The following BTBD9 variants were observed in gnomAD, a reference collection of about 807,000 sequenced individuals.
The protein encoded by BTBD9 is BTB domain containing 9.
In BTBD9, 49 loss-of-function variants were observed where a neutral mutation model predicts 64.3. The ratio of observed to expected loss-of-function variants is 0.76; its 90% CI spans 0.61 to 0.97. The LOEUF (loss-of-function observed/expected upper bound fraction) is 0.97, where lower values mean the gene tolerates loss of function less well. Ranked by LOEUF, BTBD9 falls within the 50% of genes least tolerant of loss-of-function variation. The pLI, the probability that BTBD9 is intolerant of heterozygous loss-of-function variation, is 0.00. For synonymous variants in BTBD9, 260 were observed against 274.7 expected (o/e 0.95, Z 0.53); for missense variants, 598 against 762.1 (o/e 0.78, Z 2.53).
chr6:38,571,563 A>T (rs1357940241), intron 6 of BTBD9: 2 of 152,228 alleles, frequency 1.3e-5, no homozygotes, highest in Non-Finnish European at 2.9e-5. Context: ...AAAACACAGT[A>T]AAGTTAGAGT....
At chr6:38,335,743 TA>T (rs1763868444) in intron 7 of BTBD9, among the ~76,000 whole-genome samples, 1 of 151,708 alleles carries the variant, frequency 6.6e-6, no homozygotes, top group African/African-American at 2.4e-5. Context: ...TTTATTTATT[TA>T]TTTTTTTGAG....
At chr6:38,481,023 T>C (rs1157800786) in intron 6 of BTBD9, among the ~76,000 whole-genome samples, 1 of 152,162 alleles carries the variant, frequency 6.6e-6, no homozygotes, top group African/African-American at 2.4e-5. Flanking sequence ...GACTCAAAAA[T>C]GCCTTTCCAT....
chr6:38,485,300 T>C (rs771197390), intron 6 of BTBD9, among the ~76,000 whole-genome samples: 1 of 152,232 alleles, frequency 6.6e-6, no homozygotes, highest in Non-Finnish European at 1.5e-5. Context: ...ATATTCTTAA[T>C]GGCCTCTAAA....
intron 9 of BTBD9, among the ~76,000 whole-genome samples, chr6:38,219,793 C>T (rs1763137622): frequency 6.6e-6 from 1 of 152,112 alleles, no homozygotes; most frequent in Admixed American, 6.5e-5. Context: ...AACATGATGA[C>T]CTAAAATACA....
chr6:38,269,808 G>C (rs1402507612), intron 8 of BTBD9, among the ~76,000 whole-genome samples: 1 of 152,162 alleles, frequency 6.6e-6, no homozygotes, highest in Admixed American at 6.5e-5. Flanking sequence ...TTCCCTCTTT[G>C]GAATGTATTC....
chr6:38,567,471 G>A (rs1775574236), intron 6 of BTBD9, among the ~76,000 whole-genome samples: 1 of 152,198 alleles, frequency 6.6e-6, no homozygotes, highest in Non-Finnish European at 1.5e-5. Flanking sequence ...TGAGGTCAAT[G>A]CCAACAGTCC....
chr6:38,634,252 T>C (rs1778457709), intron 1 of BTBD9, among the ~76,000 whole-genome samples: 1 of 152,238 alleles, frequency 6.6e-6, no homozygotes, highest in Non-Finnish European at 1.5e-5. Context: ...CCCTTATAAC[T>C]TCCTCTCACT....
chr6:38,251,090 A>AT (rs1561927209), intron 9 of BTBD9, among the ~76,000 whole-genome samples: 15 of 128,080 alleles, frequency 1.2e-4, no homozygotes, highest in East Asian at 1.2e-3. Context: ...TCAGAAAAAA[A>AT]AAAAATAATA....
intron 6 of BTBD9, among the ~76,000 whole-genome samples, chr6:38,574,069 G>C (rs114332132): frequency 1.6e-4 from 25 of 152,254 alleles, no homozygotes; most frequent in African/African-American, 5.3e-4. Context: ...CCAGTTAAAG[G>C]CTGAAGAGGA....
chr6:38,347,990 C>T lies in BTBD9; in HGVS notation c.1155-2897G>A, dbSNP rs547606901. Among the ~76,000 whole-genome samples, 4 of 152,178 alleles carry T rather than the reference C, an allele frequency of 2.6e-5. No individual in the cohort carries two copies. In the South Asian group the frequency reaches 8.3e-4, roughly 32 times the overall value. The stretch of plus-strand genomic sequence containing the variant: ...CCAGCCTGGGTGACAGAGTGAGATT[C>T]TGTCTCAAAACAAACCACAACAACA... On this transcript the variant is annotated intron_variant, in intron 6 of 10. Coordinates refer to ENST00000481247, the MANE Select transcript of BTBD9 (RefSeq NM_001099272.2).
At chr6:38,536,024 C>T (rs1253381663) in intron 6 of BTBD9, among the ~76,000 whole-genome samples, 1 of 148,618 alleles carries the variant, frequency 6.7e-6, no homozygotes, top group Non-Finnish European at 1.5e-5. Flanking sequence ...AGCTTCTGCA[C>T]AGCAAAAGAA....
At chr6:38,567,366 A>G (rs1775568259) in intron 6 of BTBD9, among the ~76,000 whole-genome samples, 1 of 152,242 alleles carries the variant, frequency 6.6e-6, no homozygotes, top group Non-Finnish European at 1.5e-5. Context: ...ATGTGTATAT[A>G]TGACCCATAT....
intron 6 of BTBD9, among the ~76,000 whole-genome samples, chr6:38,382,840 T>A (rs1159712790): frequency 2.0e-5 from 3 of 152,160 alleles, no homozygotes; most frequent in Non-Finnish European, 2.9e-5. Flanking sequence ...ATCTGAATTA[T>A]CAAAACCAAC....
intron 4 of BTBD9, among the ~76,000 whole-genome samples, chr6:38,585,976 ACACG>A (rs1776503549): frequency 6.6e-6 from 1 of 150,430 alleles, no homozygotes; most frequent in Non-Finnish European, 1.5e-5. Flanking sequence ...ACACACACAC[ACACG>A]CATATTTATG....
intron 8 of BTBD9, among the ~76,000 whole-genome samples, chr6:38,256,912 T>TG (rs1407112820): frequency 1.3e-5 from 2 of 152,104 alleles, no homozygotes; most frequent in Admixed American, 1.3e-4. Context: ...GACAAGGTGT[T>TG]TCTCTGTCAC....
rs568695698 is a variant in BTBD9 at position 38,501,231 on chromosome 6, C to A, written c.1154+76369G>T. ...GGTTGAGTATCCCTGATCCAAGCAT[C>A]CAAGATCCTCCAGAATCTGACTTTT... On this transcript the variant is annotated intron_variant, in intron 6 of 10. Transcript: ENST00000481247. Among the ~76,000 whole-genome samples the A allele has an allele frequency of 3.9e-5, 6 of 152,202 alleles. No individual in the cohort carries two copies. The East Asian group carries it at 1.2e-3, about 29-fold the overall frequency.
chr6:38,607,783 C>T (rs1293820597), intron 1 of BTBD9, among the ~76,000 whole-genome samples: 6 of 147,068 alleles, frequency 4.1e-5, no homozygotes, highest in African/African-American at 1.5e-4. Context: ...AAAAAAAAGG[C>T]TCAATTTATA....
chr6:38,495,524 TG>T (rs1409535042), intron 6 of BTBD9, among the ~76,000 whole-genome samples: 1 of 152,182 alleles, frequency 6.6e-6, no homozygotes, highest in East Asian at 1.9e-4. Flanking sequence ...GACCCAAAGA[TG>T]GTTCTGGAAG....
At chr6:38,623,016 G>C (rs549368826) in intron 1 of BTBD9, among the ~76,000 whole-genome samples, 4 of 152,222 alleles carry the variant, frequency 2.6e-5, no homozygotes, top group South Asian at 4.2e-4. Flanking sequence ...AGAACACAGG[G>C]AGCCACTCAG....
Sources: gnomAD v4.1 joint callset for allele counts (sites outside exome capture counted in the v4.1 genomes callset) on GRCh38, gnomAD v4.1.1 for gene constraint, MANE v1.5 for transcripts, NCBI Gene and HGNC (gene_info 2026-07-23, HGNC 2026-07-21) for gene names.